Variants in KIRREL1 observed in about 807,000 individuals in gnomAD.
The protein encoded by KIRREL1 is kirre like nephrin family adhesion molecule 1.
A neutral mutation model predicts 83.3 loss-of-function variants in KIRREL1; 25 were observed. That is an observed-to-expected ratio of 0.30 (90% CI 0.22 to 0.42). The LOEUF is 0.42. KIRREL1 is among the 10% of genes least tolerant of loss of function. KIRREL1 has a pLI of 1.00. For synonymous variants in KIRREL1, 388 were observed against 410.4 expected, an observed-to-expected ratio of 0.95 and a Z score of 0.66; for missense variants, 812 against 1,032.3, an observed-to-expected ratio of 0.79 and a Z score of 2.92.
intron 1 of KIRREL1, among the ~76,000 whole-genome samples, chr1:158,023,426 T>G (rs1487515991): frequency 6.6e-6 from 1 of 152,238 alleles, no homozygotes; most frequent in East Asian, 1.9e-4. Context: ...GCCTTCCAGT[T>G]AAGTAAATTT....
intron 1 of KIRREL1, among the ~76,000 whole-genome samples, chr1:158,055,952 T>G (rs960872574): frequency 6.6e-6 from 1 of 152,188 alleles, no homozygotes; most frequent in Non-Finnish European, 1.5e-5. Context: ...ATCTACCACC[T>G]GAGGACTTCT....
intron 3 of KIRREL1, among the ~76,000 whole-genome samples, chr1:158,082,779 G>A (rs1470850614): frequency 6.6e-6 from 1 of 152,126 alleles, no homozygotes; most frequent in Admixed American, 6.5e-5. Context: ...ACCAGCCTGG[G>A]CAACATAGCG....
At chr1:157,996,090 G>T (rs1451926673) in intron 1 of KIRREL1, among the ~76,000 whole-genome samples, 4 of 151,266 alleles carry the variant, frequency 2.6e-5, no homozygotes, top group Admixed American at 6.6e-5. Flanking sequence ...GAATAGGGAT[G>T]GGGGAGTAGG....
chr1:157,997,233 C>A (rs771298697), intron 1 of KIRREL1, among the ~76,000 whole-genome samples: 5 of 152,174 alleles, frequency 3.3e-5, no homozygotes, highest in Non-Finnish European at 5.9e-5. Flanking sequence ...TTGAACAAGT[C>A]ATGTACATTC....
chr1:158,089,888 C>T, intron 10 of KIRREL1, 70 bp downstream of exon 10: 2 of 1,369,154 alleles, frequency 1.5e-6, no homozygotes, highest in Non-Finnish European at 2.1e-6. Flanking sequence ...CCTCCTCTCA[C>T]TTCTGCTGGT....
chr1:158,083,504 G>A (rs1661925414), intron 3 of KIRREL1, among the ~76,000 whole-genome samples: 1 of 152,242 alleles, frequency 6.6e-6, no homozygotes, highest in African/African-American at 2.4e-5. Flanking sequence ...TGAGGACCCT[G>A]AACAGGAGGC....
intron 1 of KIRREL1, among the ~76,000 whole-genome samples, chr1:158,033,817 T>TA (rs1439617867): frequency 1.3e-5 from 2 of 151,454 alleles, no homozygotes; most frequent in African/African-American, 4.9e-5. Context: ...CCGTCTGTAC[T>TA]AAAAATACAA....
Position 158,094,799 on chromosome 1 carries a change from C to T in KIRREL1, c.1953C>T (p.Asn651=). 2 of 1,614,112 alleles carry T rather than the reference C, an allele frequency of 1.2e-6. No individual in the cohort carries two copies. Among genetic ancestry groups the T allele is most frequent in the East Asian group, 2.2e-5 (1 of 44,876 alleles). ...ACTCCAGCGGCTATGCCCAGCTCAA[C>T]ACCTATAGCCGGGGCCCTGCCTCTG... ...LSHSSGYAQL[N]TYSRGPASDY... Residue 651 remains asparagine, a synonymous_variant, in exon 15 of 15, where the codon AAC becomes AAT. Coordinates refer to ENST00000359209, the MANE Select transcript of KIRREL1 (RefSeq NM_018240.7). This position sits in a 1 kb window ranked among gnomAD's most constrained non-coding sequence, Gnocchi z 4.6.
intron 2 of KIRREL1, 28 bp from the exon 3 acceptor site, chr1:158,077,963 T>C: frequency 4.3e-6 from 7 of 1,612,468 alleles, no homozygotes; most frequent in Admixed American, 1.7e-5. Flanking sequence ...TGTTTCAAGG[T>C]TGGGCCTCAT....
At position 158,033,221 on chromosome 1, in the gene KIRREL1, A is replaced by AC. The variant is rs371592599; in HGVS notation, c.52+39495dup. On this transcript the variant is annotated intron_variant, in intron 1 of 14. Transcript: ENST00000359209. ...CCAGTAGCTGGGATCACAGGCGCCC[A>AC]CCACCATGCCCAGCTAATTTTTGTA... Among the ~76,000 whole-genome samples, 441 of 151,554 alleles carry AC rather than the reference A, an allele frequency of 2.9e-3. 5 individuals carry two copies. Among genetic ancestry groups the AC allele is most frequent in the African/African-American group, 0.01 (423 of 41,222 alleles).
chr1:158,066,362 C>G (rs1661358005), intron 1 of KIRREL1, among the ~76,000 whole-genome samples: 1 of 152,208 alleles, frequency 6.6e-6, no homozygotes, highest in African/African-American at 2.4e-5. Context: ...ATAGTGTCCT[C>G]TTAGCACCTT....
intron 1 of KIRREL1, among the ~76,000 whole-genome samples, chr1:158,029,872 C>G (rs1660276683): frequency 6.6e-6 from 1 of 152,134 alleles, no homozygotes; most frequent in African/African-American, 2.4e-5. Flanking sequence ...AACCTGATGG[C>G]TTAATGTATT....
rs866135766 is a variant in KIRREL1 at position 158,014,687 on chromosome 1, G to T, written c.52+20959G>T. Among the ~76,000 whole-genome samples the T allele has an allele frequency of 3.0e-4, 45 of 150,444 alleles. 1 individual carries two copies. The highest frequency in any genetic ancestry group is 7.8e-4 in the African/African-American group (32 of 41,054). ...AGAGAAATATAGTCTTTATGGGGGGGGGGGGGCGGGGGGAAGGAGGTTTTA... is the reference window on the plus strand; with the variant it reads ...AGAGAAATATAGTCTTTATGGGGGGTGGGGGGCGGGGGGAAGGAGGTTTTA... On this transcript the variant is annotated intron_variant, in intron 1 of 14. Transcript: ENST00000359209.
intron 1 of KIRREL1, among the ~76,000 whole-genome samples, chr1:158,057,727 T>G (rs1018847455): frequency 6.6e-6 from 1 of 152,236 alleles, no homozygotes; most frequent in Non-Finnish European, 1.5e-5. Context: ...TTGCAGCAGT[T>G]GGTCCCCTGA....
At chr1:157,997,328 T>C (rs887359835) in intron 1 of KIRREL1, among the ~76,000 whole-genome samples, 5 of 152,204 alleles carry the variant, frequency 3.3e-5, no homozygotes, top group Admixed American at 6.5e-5. Context: ...TGTTAATCCA[T>C]GTAACGTACA....
At chr1:158,010,393 GCATA>G (rs1557987083) in intron 1 of KIRREL1, among the ~76,000 whole-genome samples, 6 of 12,566 alleles carry the variant, frequency 4.8e-4, no homozygotes, top group East Asian at 2.1e-3. Flanking sequence ...TCACACACAT[GCATA>G]CACACACACA....
chr1:158,097,230 T>A lies in KIRREL1; in HGVS notation c.*2110T>A. On this transcript the variant is annotated 3_prime_UTR_variant, in exon 15 of 15. Coordinates refer to ENST00000359209, the MANE Select transcript of KIRREL1 (RefSeq NM_018240.7). ...AATTCAGGTTCTTGTACAGACAAAT[T>A]CATGCAAATTTCTATTATTTTCACA... The A allele has an allele frequency of 3.0e-6, 1 of 336,072 alleles. No individual in the cohort carries two copies. Among genetic ancestry groups the A allele is most frequent in the African/African-American group, 2.2e-5 (1 of 46,498 alleles). 20.8% of individuals were successfully genotyped at this position (336,072 alleles called of 1,614,324 possible). A position where few individuals can be genotyped will look rare whatever the true frequency, so the allele number is the denominator to read the frequency against.
intron 1 of KIRREL1, among the ~76,000 whole-genome samples, chr1:158,068,621 C>T (rs938935312): frequency 2.0e-5 from 3 of 152,206 alleles, no homozygotes; most frequent in African/African-American, 7.2e-5. Flanking sequence ...CCCTCCCTTC[C>T]TCCCTCCTTC....
At chr1:158,040,243 A>T (rs912647344) in intron 1 of KIRREL1, among the ~76,000 whole-genome samples, 3 of 152,212 alleles carry the variant, frequency 2.0e-5, no homozygotes, top group Non-Finnish European at 2.9e-5. Flanking sequence ...GACCTCCAGG[A>T]TGTAGATATA....
Sources: gnomAD v4.1 joint callset for allele counts (sites outside exome capture counted in the v4.1 genomes callset) on GRCh38, gnomAD v4.1.1 for gene constraint, Gnocchi (gnomAD v3.1) non-coding constraint, MANE v1.5 for transcripts, NCBI Gene and HGNC (gene_info 2026-07-23, HGNC 2026-07-21) for gene names.